Variants in SNPH observed in about 807,000 individuals in gnomAD.
The protein encoded by SNPH is syntaphilin.
In SNPH, 10 loss-of-function variants were observed where a neutral mutation model predicts 36.8. The observed-to-expected ratio is 0.27, with a 90% CI of 0.17 to 0.46. The LOEUF is 0.46. Among genes scored for constraint, SNPH ranks in the 20% least tolerant of loss-of-function variants. The pLI is 1.00. For synonymous variants in SNPH, 281 were observed against 312.2 expected (o/e 0.90, Z 1.05); for missense variants, 622 against 744.0 (o/e 0.84, Z 1.91).
chr20:1,282,214 A>G (rs1434383966), intron 2 of SNPH, among the ~76,000 whole-genome samples: 2 of 152,250 alleles, frequency 1.3e-5, no homozygotes, highest in East Asian at 3.8e-4. Context: ...CTATAAATCC[A>G]TTATCAGGGA....
chr20:1,284,585 C>A (rs2088262827), intron 2 of SNPH, among the ~76,000 whole-genome samples: 1 of 152,044 alleles, frequency 6.6e-6, no homozygotes, highest in Non-Finnish European at 1.5e-5. Context: ...ACACAGTGGT[C>A]AGAGAAGATT....
intron 5 of SNPH, among the ~76,000 whole-genome samples, chr20:1,297,560 G>A (rs573949418): frequency 2.2e-4 from 34 of 152,326 alleles, no homozygotes; most frequent in African/African-American, 7.7e-4. Flanking sequence ...GTCTTCTCCC[G>A]CTGCTCCACC....
chr20:1,279,618 C>CTTTTTTTTTTTT (rs1162325274), intron 2 of SNPH, among the ~76,000 whole-genome samples: 12 of 123,088 alleles, frequency 9.7e-5, no homozygotes, highest in Non-Finnish European at 1.2e-4. Context: ...ACTCCGGCTT[C>CTTTTTTTTTTTT]TTTTTTTTTT....
At chr20:1,273,100 G>A (rs1468406714) in intron 2 of SNPH, among the ~76,000 whole-genome samples, 2 of 152,162 alleles carry the variant, frequency 1.3e-5, no homozygotes, top group Admixed American at 6.5e-5. Flanking sequence ...AAGCCACGCC[G>A]GCCTTGCAGC....
rs2122459510 is a variant in SNPH at position 1,305,351 on chromosome 20, G to A, written c.914G>A (p.Ser305Asn). The change falls in exon 7 of 7, where the codon AGC becomes AAC. Residue 305 changes from serine (S) to asparagine (N), a missense_variant. This residue lies in a region of SNPH where 379 missense variants were observed against 427.9 expected (regional missense o/e 0.89). Coordinates refer to ENST00000381867, the MANE Select transcript of SNPH (RefSeq NM_001318234.2). Reference sequence around the variant, plus strand: ...AGCCGGACGGACGCGCTGGAAGCCAGCAGCCTGCTGTCGTCGGGGGTGGAC... The same window carrying A: ...AGCCGGACGGACGCGCTGGAAGCCAACAGCCTGCTGTCGTCGGGGGTGGAC... ...TLSRTDALEA[S>N]SLLSSGVDCG... The A allele has an allele frequency of 6.2e-7, 1 of 1,611,892 alleles. No homozygotes were observed.
chr20:1,287,017 G>C (rs1186563680), intron 2 of SNPH, among the ~76,000 whole-genome samples: 1 of 152,154 alleles, frequency 6.6e-6, no homozygotes, highest in East Asian at 1.9e-4. Context: ...GACCCACTTT[G>C]CCGACTCCCA....
At position 1,306,854 on chromosome 20, in the gene SNPH, G is replaced by GTCCCAGC. The variant is rs1568553864; in HGVS notation, c.*809_*815dup. 3.3e-5 allele frequency: 5 copies of GTCCCAGC among 152,326 alleles called. No individual in the cohort carries two copies. The South Asian group carries it at 1.0e-3, about 31-fold the overall frequency. The allele number at this position is 152,326 out of a possible 1,614,324, so 9.4% of individuals were successfully genotyped here. A position where few individuals can be genotyped will look rare whatever the true frequency, so the allele number is the denominator to read the frequency against. On this transcript the variant is annotated 3_prime_UTR_variant, in exon 7 of 7. Transcript: ENST00000381867. ...TGCTGGGGTAGGAGGGCCTGCCTGA[G>GTCCCAGC]TCCCAGCTCCCAGCTGGAGAATCCA... is the stretch of plus-strand genomic sequence containing the variant.
chr20:1,303,138 T>C (rs1294424449), intron 6 of SNPH, among the ~76,000 whole-genome samples: 2 of 152,254 alleles, frequency 1.3e-5, no homozygotes, highest in African/African-American at 4.8e-5. Context: ...ACTCTCTCCA[T>C]ATGGAGTTTC....
intron 2 of SNPH, among the ~76,000 whole-genome samples, chr20:1,289,261 G>C (rs1325493169): frequency 6.6e-6 from 1 of 152,072 alleles, no homozygotes; most frequent in Non-Finnish European, 1.5e-5. Context: ...CTCCCTCTAT[G>C]GGGAATTTGT....
chr20:1,274,134 T>C (rs2088103603), intron 2 of SNPH, among the ~76,000 whole-genome samples: 1 of 152,120 alleles, frequency 6.6e-6, no homozygotes, highest in African/African-American at 2.4e-5. Flanking sequence ...CCCAAAGTTA[T>C]ATAAGCACAA....
At chr20:1,281,493 T>C (rs2088222573) in intron 2 of SNPH, among the ~76,000 whole-genome samples, 1 of 152,202 alleles carries the variant, frequency 6.6e-6, no homozygotes, top group Admixed American at 6.5e-5. Flanking sequence ...GGCTCAGCCC[T>C]TCTCTCTACT....
At chr20:1,274,097 C>T (rs952024582) in intron 2 of SNPH, among the ~76,000 whole-genome samples, 21 of 152,244 alleles carry the variant, frequency 1.4e-4, no homozygotes, top group African/African-American at 5.1e-4. Context: ...GTTGAGGAAA[C>T]TAGGACCACT....
chr20:1,274,348 TGAAA>T (rs1454631441), intron 2 of SNPH, among the ~76,000 whole-genome samples: 4 of 150,648 alleles, frequency 2.7e-5, no homozygotes, highest in Admixed American at 1.3e-4. Context: ...GTTCAAGGGA[TGAAA>T]GGGAGAAAAT....
chr20:1,266,841 G>A lies in SNPH; in HGVS notation c.-493+81G>A, dbSNP rs1411144142. On this transcript the variant is annotated intron_variant, in intron 2 of 6. Coordinates refer to ENST00000381867, the MANE Select transcript of SNPH (RefSeq NM_001318234.2). This position sits in a 1 kb window ranked among gnomAD's most constrained non-coding sequence, Gnocchi z 6.0. ...GGGGCCGCTTGCAACCGCTCGCTGC[G>A]GTAGAATCCCTTGGAGGGCACCAGC... 2.3e-6 allele frequency: 3 copies of A among 1,302,844 alleles called. No homozygotes were observed. The highest frequency in any genetic ancestry group is 1.9e-6 in the Non-Finnish European group (2 of 1,026,706). 80.7% of individuals were successfully genotyped at this position (1,302,844 alleles called of 1,614,324 possible). A position where few individuals can be genotyped will look rare whatever the true frequency, so the allele number is the denominator to read the frequency against.
intron 2 of SNPH, among the ~76,000 whole-genome samples, chr20:1,280,517 G>C (rs1306546896): frequency 6.6e-6 from 1 of 152,232 alleles, no homozygotes; most frequent in Admixed American, 6.5e-5. Flanking sequence ...CAAGGCAGAG[G>C]TCGGGTTGTC....
chr20:1,302,775 A>G (rs920810557), intron 6 of SNPH, among the ~76,000 whole-genome samples: 9 of 152,240 alleles, frequency 5.9e-5, no homozygotes, highest in African/African-American at 1.9e-4. Flanking sequence ...CAAGCAGCCA[A>G]TCCGGTTTGG....
At chr20:1,279,770 A>T (rs1352104121) in intron 2 of SNPH, among the ~76,000 whole-genome samples, 1 of 152,112 alleles carries the variant, frequency 6.6e-6, no homozygotes, top group East Asian at 1.9e-4. Flanking sequence ...CTTAGATGCC[A>T]TGAAGGTTTA....
At chr20:1,289,499 C>T (rs1471447904) in intron 2 of SNPH, among the ~76,000 whole-genome samples, 6 of 143,456 alleles carry the variant, frequency 4.2e-5, no homozygotes, top group East Asian at 4.3e-4. Context: ...ATTAATGCAA[C>T]GGTTCATTTA....
Position 1,305,734 on chromosome 20 carries a change from G to A in SNPH, c.1297G>A (p.Gly433Ser). The change falls in exon 7 of 7, where the codon GGT (glycine) becomes AGT (serine). Residue 433 changes from glycine (G) to serine (S), a missense_variant. Around this residue, in one of 3 missense-constraint regions of SNPH, gnomAD observed 379 missense variants for 427.9 expected, o/e 0.89. Coordinates refer to ENST00000381867, the MANE Select transcript of SNPH (RefSeq NM_001318234.2). ...CCGTGGACCCACCCCACAGCGGCCTGGTGCCAACCCCAACCCTGGCCAGTC... is the reference window on the plus strand; with the variant it reads ...CCGTGGACCCACCCCACAGCGGCCTAGTGCCAACCCCAACCCTGGCCAGTC... ...ITRGPTPQRP[G>S]ANPNPGQSVS... is the part of the protein sequence containing the mutation. The A allele has an allele frequency of 6.2e-7, 1 of 1,611,256 alleles. No individual in the cohort carries two copies. The highest frequency in any genetic ancestry group is 8.5e-7 in the Non-Finnish European group (1 of 1,178,954).
Sources: gnomAD v4.1 joint callset for allele counts (sites outside exome capture counted in the v4.1 genomes callset) on GRCh38, gnomAD v4.1.1 for gene constraint, gnomAD v4.1.1 regional missense constraint, Gnocchi (gnomAD v3.1) non-coding constraint, MANE v1.5 for transcripts, NCBI Gene and HGNC (gene_info 2026-07-23, HGNC 2026-07-21) for gene names.